The following MYOM1 variants were observed in gnomAD, a reference collection of about 807,000 sequenced individuals.
MYOM1 encodes myomesin-1.
In MYOM1, 164 loss-of-function variants were observed where a neutral mutation model predicts 205.3. The ratio of observed to expected loss-of-function variants is 0.80; its 90% CI spans 0.70 to 0.91. The LOEUF is 0.91. Among genes scored for constraint, MYOM1 ranks in the 40% least tolerant of loss-of-function variants. The pLI is 0.00. For synonymous variants in MYOM1, 772 were observed against 789.4 expected, an observed-to-expected ratio of 0.98 and a Z score of 0.37; for missense variants, 2,011 against 2,127.3, an observed-to-expected ratio of 0.95 and a Z score of 1.08.
rs28651680 is a variant in MYOM1 at position 3,189,698 on chromosome 18, G to A, written c.432-611C>T. Reference sequence around the variant, plus strand: ...ATTTCTGTTTTAAATATATGGTAACGAAGTTCAGATAAGTTAGATAACTTG... The same window carrying A: ...ATTTCTGTTTTAAATATATGGTAACAAAGTTCAGATAAGTTAGATAACTTG... On this transcript the variant is annotated intron_variant, in intron 3 of 37. Transcript: ENST00000356443. The surrounding 1 kb of genome is among the most constrained non-coding windows in gnomAD (Gnocchi z 4.8). Among the ~76,000 whole-genome samples, 13,787 of 152,200 alleles carry A rather than the reference G, an allele frequency of 0.091. 900 individuals are homozygous for A. Among genetic ancestry groups the A allele is most frequent in the African/African-American group, 0.19 (7,732 of 41,480 alleles).
intron 1 of MYOM1, among the ~76,000 whole-genome samples, chr18:3,218,119 G>C (rs1259981296): frequency 1.3e-5 from 2 of 152,158 alleles, no homozygotes; most frequent in Non-Finnish European, 2.9e-5. Flanking sequence ...GTTTAGCATA[G>C]GGTGGGGAGA....
intron 36 of MYOM1, 50 bp from the exon 37 acceptor site, chr18:3,071,939 G>T (rs1173822745): frequency 1.2e-5 from 18 of 1,539,854 alleles, no homozygotes; most frequent in Non-Finnish European, 1.4e-5. Flanking sequence ...AAGGCCAGCG[G>T]TCATACTCAC....
At chr18:3,141,807 A>G (rs1020908091) in intron 14 of MYOM1, 132 bp downstream of exon 14, 7 of 1,145,516 alleles carry the variant, frequency 6.1e-6, no homozygotes, top group African/African-American at 6.1e-5. Flanking sequence ...TTCACAGTTG[A>G]TAACAATCTA....
rs1034963079 is a variant in MYOM1, at chr18:3,135,013, A to G, written c.2210-189T>C. The G allele has an allele frequency of 2.2e-5, 12 of 553,834 alleles. No individual in the cohort carries two copies. The highest frequency in any genetic ancestry group is 3.8e-5 in the Non-Finnish European group (12 of 317,890). 34.3% of individuals were successfully genotyped at this position (553,834 alleles called of 1,614,324 possible). A position where few individuals can be genotyped will look rare whatever the true frequency, so the allele number is the denominator to read the frequency against. On this transcript the variant is annotated intron_variant, in intron 15 of 37. Transcript: ENST00000356443. This position sits in a 1 kb window ranked among gnomAD's most constrained non-coding sequence, Gnocchi z 4.1. ...ACCCAGGCTGGAGAGCAGTGGCGGGATCTCGGCTCACTGCAGCCCCCACCT... is the reference window on the plus strand; with the variant it reads ...ACCCAGGCTGGAGAGCAGTGGCGGGGTCTCGGCTCACTGCAGCCCCCACCT...
rs145520558 is a variant in MYOM1 at position 3,189,178 on chromosome 18, C to T, written c.432-91G>A. 36 of 1,211,590 alleles carry T rather than the reference C, an allele frequency of 3.0e-5. No homozygotes were observed. The African/African-American group carries it at 5.3e-4, about 18-fold the overall frequency. 75.1% of individuals were successfully genotyped at this position (1,211,590 alleles called of 1,614,324 possible). A position where few individuals can be genotyped will look rare whatever the true frequency, so the allele number is the denominator to read the frequency against. ...TAAGTTCAAAGTACCACATCTCAGA[C>T]ACTGTATCCTGCACCAAAAGAAAAT... On this transcript the variant is annotated intron_variant, in intron 3 of 37. Transcript: ENST00000356443. The surrounding 1 kb of genome is among the most constrained non-coding windows in gnomAD (Gnocchi z 4.8).
chr18:3,199,834 C>T lies in MYOM1; in HGVS notation c.291-5876G>A, dbSNP rs151078319. Among the ~76,000 whole-genome samples, 640 of 150,508 alleles carry T rather than the reference C, an allele frequency of 4.3e-3. 5 individuals carry two copies. Among genetic ancestry groups the T allele is most frequent in the African/African-American group, 0.014 (586 of 40,872 alleles). On this transcript the variant is annotated intron_variant, in intron 2 of 37. Coordinates refer to ENST00000356443, the MANE Select transcript of MYOM1 (RefSeq NM_003803.4). ...CAGCCTGGGTGACAGAGTGAGACTC[C>T]GTCTCAAAAAAAAAAAAATTACCTG...
chr18:3,067,642 A>G lies in MYOM1; in HGVS notation c.4765-87T>C, dbSNP rs1194501533. On this transcript the variant is annotated intron_variant, in intron 37 of 37. Coordinates refer to ENST00000356443, the MANE Select transcript of MYOM1 (RefSeq NM_003803.4). ...CAATCTTGCCGGCTGGTGGCTTGGCATGACCAAAGGGAGGATAAGTAAAAG... is the reference window on the plus strand; with the variant it reads ...CAATCTTGCCGGCTGGTGGCTTGGCGTGACCAAAGGGAGGATAAGTAAAAG... The G allele has an allele frequency of 1.0e-5, 15 of 1,445,652 alleles. No individual in the cohort carries two copies. In the East Asian group the frequency reaches 3.5e-4, roughly 34 times the overall value. 89.6% of individuals were successfully genotyped at this position (1,445,652 alleles called of 1,614,324 possible).
At chr18:3,217,969 C>CA (rs1023278250) in intron 1 of MYOM1, among the ~76,000 whole-genome samples, 21 of 152,110 alleles carry the variant, frequency 1.4e-4, no homozygotes, top group Admixed American at 1.3e-3. Flanking sequence ...ACAAAACAAA[C>CA]AAAAAAACCT....
the MYOM1 span, among the ~76,000 whole-genome samples, chr18:3,241,859 ATG>A: frequency 3.3e-5 from 5 of 152,330 alleles, no homozygotes; most frequent in African/African-American, 1.2e-4. Flanking sequence ...CGTGACCTGG[ATG>A]TGAGACATGG....
chr18:3,116,623 T>C (rs772544047), intron 20 of MYOM1, 108 bp from the exon 21 acceptor site: 29 of 1,032,418 alleles, frequency 2.8e-5, no homozygotes, highest in Non-Finnish European at 3.9e-5. Context: ...TGGTGTTCTT[T>C]TTTCAAAATC....
the MYOM1 span, among the ~76,000 whole-genome samples, chr18:3,231,556 T>G: frequency 6.7e-6 from 1 of 150,232 alleles, no homozygotes; most frequent in African/African-American, 2.5e-5. Flanking sequence ...TTTTTTTTTT[T>G]TAGACGGAAT....
the MYOM1 span, among the ~76,000 whole-genome samples, chr18:3,226,586 C>T: frequency 1.3e-5 from 2 of 152,162 alleles, no homozygotes; most frequent in Admixed American, 1.3e-4. The surrounding 1 kb of genome is among the most constrained non-coding windows in gnomAD (Gnocchi z 4.6). Context: ...TCCTTCACCC[C>T]GCTCCTTCAA....
intron 2 of MYOM1, among the ~76,000 whole-genome samples, chr18:3,208,799 A>G (rs1050252844): frequency 3.3e-5 from 5 of 152,204 alleles, no homozygotes; most frequent in African/African-American, 2.4e-5. Context: ...AAACCTTGAT[A>G]TATCAGCAAC....
intron 9 of MYOM1, among the ~76,000 whole-genome samples, chr18:3,168,529 T>A (rs1019218685): frequency 2.6e-5 from 4 of 152,236 alleles, no homozygotes; most frequent in Non-Finnish European, 5.9e-5. Context: ...CCTCAGGTTA[T>A]CTGCCCATCT....
chr18:3,114,544 A>ATTTTTTTTTTTT lies in MYOM1; in HGVS notation c.3303+1775_3303+1786dup, dbSNP rs5822738. 2.3e-5 allele frequency among the ~76,000 whole-genome samples: 2 copies of ATTTTTTTTTTTT among 88,374 alleles called. 1 individual carries two copies. The highest frequency in any genetic ancestry group is 9.6e-5 in the African/African-American group (2 of 20,732). The allele number at this position is 88,374 out of a possible 152,430, so 58.0% of individuals were successfully genotyped here. ...AGGCACATGCCACCATGGTCAGCTA[A>ATTTTTTTTTTTT]TTTTTTTTTTTTTTTTTTTTTTTTT... On this transcript the variant is annotated intron_variant, in intron 21 of 37. Coordinates refer to ENST00000356443, the MANE Select transcript of MYOM1 (RefSeq NM_003803.4).
In MYOM1 at chr18:3,072,370, T is replaced by TTTTTTTTTTG. The variant is rs768555182; in HGVS notation, c.4709-482_4709-481insCAAAAAAAAA. Among the ~76,000 whole-genome samples the TTTTTTTTTTG allele has an allele frequency of 1.9e-3, 224 of 115,972 alleles. 19 individuals carry two copies. Among genetic ancestry groups the TTTTTTTTTTG allele is most frequent in the Non-Finnish European group, 3.1e-3 (175 of 56,562 alleles). The allele number at this position is 115,972 out of a possible 152,430, so 76.1% of individuals were successfully genotyped here. A position where few individuals can be genotyped will look rare whatever the true frequency, so the allele number is the denominator to read the frequency against. On this transcript the variant is annotated intron_variant, in intron 36 of 37. Transcript: ENST00000356443. ...CCCGGCTTTTTTTTTTTTTTTTTTT[T>TTTTTTTTTTG]TGAGGCAGAGTCTCGCTCTGTCACC...
At chr18:3,215,403 C>T (rs2081252364) in intron 1 of MYOM1, among the ~76,000 whole-genome samples, 152 bp from the exon 2 acceptor site, 1 of 152,104 alleles carries the variant, frequency 6.6e-6, no homozygotes. Context: ...GCCGGGAGCT[C>T]AAAATCAACC....
intron 27 of MYOM1, 118 bp from the exon 28 acceptor site, chr18:3,089,714 C>G: frequency 1.5e-6 from 1 of 667,698 alleles, no homozygotes; most frequent in Non-Finnish European, 2.3e-6. Context: ...TGTGACAACC[C>G]TGCTCATTTT....
chr18:3,071,696 TG>T, intron 37 of MYOM1, 137 bp downstream of exon 37: 1 of 821,120 alleles, frequency 1.2e-6, no homozygotes, highest in Non-Finnish European at 1.9e-6. Context: ...TTGGTTACTC[TG>T]GTCAAGTATA....
Sources: allele counts gnomAD v4.1 joint callset (sites outside exome capture counted in the v4.1 genomes callset), GRCh38; gene constraint gnomAD v4.1.1; non-coding constraint Gnocchi (gnomAD v3.1); transcripts MANE v1.5; gene names NCBI Gene and HGNC (gene_info 2026-07-23, HGNC 2026-07-21).